ENTPD7: variants seen among roughly 807,000 people sequenced by gnomAD.
ENTPD7 encodes the protein NTPDase 7.
ENTPD7 carries 53 observed loss-of-function variants against 77.9 expected under a neutral mutation model. That is an observed-to-expected ratio of 0.68 (90% CI 0.55 to 0.85). The LOEUF is 0.85. Among genes scored for constraint, ENTPD7 ranks in the 40% least tolerant of loss-of-function variants. The probability of loss-of-function intolerance (pLI) is 0.00; values close to 1 mark genes in which losing one functional copy is unlikely to be tolerated. For missense variants in ENTPD7, 636 were observed against 743.7 expected (o/e 0.86, Z 1.68); for synonymous variants, 248 against 274.9 (o/e 0.90, Z 0.97).
Position 99,706,801 on chromosome 10 carries a change from G to A in ENTPD7, c.*2118G>A, listed in dbSNP as rs554998934. ...AAAATATGTTTTAGCTGCCTACTCA[G>A]GTAACGTTTTCTTTTGCTCTCATCT... On this transcript the variant is annotated 3_prime_UTR_variant, in exon 13 of 13. Transcript: ENST00000370489. Among the ~76,000 whole-genome samples the A allele has an allele frequency of 2.0e-5, 3 of 152,238 alleles. No homozygotes were observed. Among genetic ancestry groups the A allele is most frequent in the Non-Finnish European group, 4.4e-5 (3 of 68,008 alleles).
In ENTPD7 at chr10:99,696,140, T is replaced by C; in HGVS notation, c.1010+18T>C. On this transcript the variant is annotated intron_variant, in intron 9 of 12. Transcript: ENST00000370489. The stretch of plus-strand genomic sequence containing the variant: ...AAAAACAGGTACATTTGATATGGGA[T>C]CTGAGTTTCTGAAATATAATGTCAG... The C allele has an allele frequency of 1.9e-6, 3 of 1,611,586 alleles. No homozygotes were observed. The highest frequency in any genetic ancestry group is 2.5e-6 in the Non-Finnish European group (3 of 1,178,788).
chr10:99,681,119 C>T (rs946125669), intron 5 of ENTPD7, among the ~76,000 whole-genome samples: 23 of 152,236 alleles, frequency 1.5e-4, no homozygotes, highest in African/African-American at 4.8e-4. Context: ...ATTCATCTGT[C>T]AGTGAACATT....
rs759943729 is a variant in ENTPD7 at position 99,691,398 on chromosome 10, G to A, written c.723G>A (p.Glu241=). The change falls in exon 8 of 13, where the codon GAG becomes GAA. Residue 241 remains glutamate, a synonymous_variant. Coordinates refer to ENST00000370489, the MANE Select transcript of ENTPD7 (RefSeq NM_020354.5). ...RFDHEDESDA[E]ATQELAAGRR... ...TATTTATTTCAGAATCAGATGCTGA[G>A]GCTACCCAGGAATTGGCAGCAGGAC... The A allele has an allele frequency of 6.2e-7, 1 of 1,613,414 alleles. No individual in the cohort carries two copies. Among genetic ancestry groups the A allele is most frequent in the African/African-American group, 1.3e-5 (1 of 74,982 alleles).
At position 99,698,561 on chromosome 10, in the gene ENTPD7, T is replaced by A. The variant is rs922426015; in HGVS notation, c.1038T>A (p.Ser346Arg). The A allele has an allele frequency of 1.2e-6, 2 of 1,614,060 alleles. No individual in the cohort carries two copies. The highest frequency in any genetic ancestry group is 2.2e-5 in the East Asian group (1 of 44,882). ...NRLLGQKTGLSPDNPFLDPCL... is the reference protein window; with the variant it reads ...NRLLGQKTGLRPDNPFLDPCL... ...TGCTTGGTCAGAAGACAGGTCTGAG[T>A]CCCGACAATCCATTTCTGGATCCCT... Residue 346 changes from serine (S) to arginine (R), a missense_variant, in exon 10 of 13, where the codon AGT becomes AGA. Coordinates refer to ENST00000370489, the MANE Select transcript of ENTPD7 (RefSeq NM_020354.5).
At chr10:99,704,010 G>A (rs1042302484) in intron 12 of ENTPD7, among the ~76,000 whole-genome samples, 10 of 152,194 alleles carry the variant, frequency 6.6e-5, no homozygotes, top group Admixed American at 4.6e-4. Flanking sequence ...ACAAGCATGT[G>A]CCACTGCACT....
Position 99,702,587 on chromosome 10 carries a change from C to T in ENTPD7, c.1497C>T (p.Asn499=). The change falls in exon 12 of 13, where the codon AAC becomes AAT. Residue 499 remains asparagine, a synonymous_variant. Transcript: ENST00000370489. The part of the protein sequence containing the change: ...EGFHFPYDYP[N]LRTAQLVYDR... ...TCCACTTTCCCTATGACTACCCAAA[C>T]CTGCGGACAGCCCAGCTGGTGTATG... 6.2e-7 allele frequency: 1 copy of T among 1,613,556 alleles called. No homozygotes were observed. Among genetic ancestry groups the T allele is most frequent in the South Asian group, 1.1e-5 (1 of 90,900 alleles).
intron 8 of ENTPD7, among the ~76,000 whole-genome samples, 184 bp downstream of exon 8, chr10:99,691,702 A>T (rs1026553086): frequency 1.3e-5 from 2 of 152,208 alleles, no homozygotes; most frequent in Non-Finnish European, 2.9e-5. Flanking sequence ...AAAAAGGAAT[A>T]ATAATAGTAT....
chr10:99,660,988 G>A (rs2035478144), intron 2 of ENTPD7, among the ~76,000 whole-genome samples: 1 of 152,054 alleles, frequency 6.6e-6, no homozygotes, highest in Non-Finnish European at 1.5e-5. Context: ...TGGGGTCAGG[G>A]CAAGAATCAC....
chr10:99,661,689 A>C (rs912041736), intron 3 of ENTPD7, 61 bp downstream of exon 3: 8 of 1,414,670 alleles, frequency 5.7e-6, no homozygotes, highest in Non-Finnish European at 7.6e-6. Flanking sequence ...TGTTTAACAC[A>C]CTACTGACTT....
chr10:99,678,468 A>C (rs960756363), intron 3 of ENTPD7, among the ~76,000 whole-genome samples: 4 of 151,586 alleles, frequency 2.6e-5, no homozygotes, highest in Non-Finnish European at 4.4e-5. Flanking sequence ...ACTCCATCTC[A>C]AAAAAAGAAA....
chr10:99,672,510 T>TG (rs1040750122), intron 3 of ENTPD7, among the ~76,000 whole-genome samples: 1 of 152,032 alleles, frequency 6.6e-6, no homozygotes, highest in African/African-American at 2.4e-5. Context: ...TTCGCCATGT[T>TG]GCTCAGGCTG....
intron 10 of ENTPD7, among the ~76,000 whole-genome samples, chr10:99,699,798 T>TA (rs1166728987): frequency 6.6e-6 from 1 of 152,166 alleles, no homozygotes; most frequent in African/African-American, 2.4e-5. Context: ...ACTCCTGGCC[T>TA]CAGGTGATCT....
At chr10:99,699,610 G>A (rs1280165963) in intron 10 of ENTPD7, among the ~76,000 whole-genome samples, 1 of 152,190 alleles carries the variant, frequency 6.6e-6, no homozygotes, top group East Asian at 1.9e-4. Context: ...TGTAGCCCAG[G>A]CTGGAGTGCA....
rs756817450 is a variant in ENTPD7, at chr10:99,688,750, G to C, written c.709G>C (p.Glu237Gln). 1.2e-6 allele frequency: 2 copies of C among 1,613,792 alleles called. No individual in the cohort carries two copies. The highest frequency in any genetic ancestry group is 2.2e-5 in the South Asian group (2 of 91,080). The part of the protein sequence containing the change: ...FVLGRFDHED[E>Q]SDAEATQELA... ...TTTGGGAAGATTCGACCACGAGGATGGTGAGTAATATTGTCTTTTTATGAC... is the reference window on the plus strand; with the variant it reads ...TTTGGGAAGATTCGACCACGAGGATCGTGAGTAATATTGTCTTTTTATGAC... Residue 237 changes from glutamate to glutamine, a missense_variant and splice_region_variant, in exon 7 of 13, where the codon GAA becomes CAA. Physicochemically the swap from Glu to Gln is conservative, Grantham distance 29 (BLOSUM62 2). Around this residue, in one of 3 missense-constraint regions of ENTPD7, gnomAD observed 486 missense variants for 556.5 expected, o/e 0.87. Transcript: ENST00000370489.
At chr10:99,670,405 T>A (rs969148992) in intron 3 of ENTPD7, among the ~76,000 whole-genome samples, 11 of 152,236 alleles carry the variant, frequency 7.2e-5, no homozygotes, top group Non-Finnish European at 1.3e-4. Flanking sequence ...TGTTTTAATT[T>A]CTGCTGTGGA....
Position 99,679,708 on chromosome 10 carries a change from G to A in ENTPD7, c.398-17G>A. The A allele has an allele frequency of 2.5e-6, 4 of 1,599,060 alleles. No homozygotes were observed. In the South Asian group the frequency reaches 3.4e-5, roughly 14 times the overall value. On this transcript the variant is annotated splice_polypyrimidine_tract_variant and intron_variant, in intron 4 of 12. Transcript: ENST00000370489. ...TTTTTAAAGAAAGTTTTGTCTGTTT[G>A]TTTGTTTTAACTTAAGGAATCTCTG...
intron 2 of ENTPD7, 78 bp downstream of exon 2, chr10:99,660,042 C>A (rs1401426659): frequency 5.0e-6 from 8 of 1,606,350 alleles, no homozygotes; most frequent in Non-Finnish European, 6.8e-6. Context: ...GGGAGGCTGT[C>A]CCAAGTGAGG....
rs1564625588 is a variant in ENTPD7 at position 99,661,440 on chromosome 10, T to C, written c.9-6T>C. 1 of 1,588,468 alleles carries C rather than the reference T, an allele frequency of 6.3e-7. No homozygotes were observed. Among genetic ancestry groups the C allele is most frequent in the East Asian group, 2.3e-5 (1 of 43,936 alleles). On this transcript the variant is annotated splice_polypyrimidine_tract_variant and splice_region_variant and intron_variant, in intron 2 of 12. Coordinates refer to ENST00000370489, the MANE Select transcript of ENTPD7 (RefSeq NM_020354.5). ...TTCAGACTTACTAATGTTTGTCTAATTTCAGGATCAGTTTTTCCTACCTCT... is the reference window on the plus strand; with the variant it reads ...TTCAGACTTACTAATGTTTGTCTAACTTCAGGATCAGTTTTTCCTACCTCT...
intron 3 of ENTPD7, among the ~76,000 whole-genome samples, chr10:99,673,990 G>C (rs1254101450): frequency 7.1e-6 from 1 of 141,676 alleles, no homozygotes; most frequent in East Asian, 2.3e-4. Flanking sequence ...AGAAATCTTA[G>C]GGGCTCATAC....
Sources: allele counts gnomAD v4.1 joint callset (sites outside exome capture counted in the v4.1 genomes callset), GRCh38; gene constraint gnomAD v4.1.1; regional missense constraint gnomAD v4.1.1; transcripts MANE v1.5; gene names NCBI Gene and HGNC (gene_info 2026-07-23, HGNC 2026-07-21).